The following CTNNA3 variants were observed in gnomAD, a reference collection of about 807,000 sequenced individuals.
The protein encoded by CTNNA3 is catenin alpha-3.
CTNNA3 carries 76 observed loss-of-function variants against 95.7 expected under a neutral mutation model. That is an observed-to-expected ratio of 0.79 (90% CI 0.66 to 0.96). CTNNA3 has a LOEUF of 0.96. Among genes scored for constraint, CTNNA3 ranks in the 40% least tolerant of loss-of-function variants. The probability of loss-of-function intolerance (pLI) is 0.00; values close to 1 mark genes in which losing one functional copy is unlikely to be tolerated. For missense variants in CTNNA3, 1,191 were observed against 1,089.8 expected (o/e 1.09, Z -1.31); for synonymous variants, 431 against 374.4 (o/e 1.15, Z -1.74).
chr10:66,632,179 T>G (rs4269831), intron 9 of CTNNA3, among the ~76,000 whole-genome samples: 56,732 of 151,890 alleles, frequency 0.37, 10,786 homozygotes, highest in Middle Eastern at 0.49. Context: ...TCTATTAAAT[T>G]TATAGAGCTA....
intron 11 of CTNNA3, among the ~76,000 whole-genome samples, chr10:66,401,848 G>A (rs976381081): frequency 9.2e-5 from 14 of 151,838 alleles, no homozygotes; most frequent in African/African-American, 2.9e-4. Context: ...TAGTAGAGAC[G>A]GGGTTTCGCC....
intron 7 of CTNNA3, among the ~76,000 whole-genome samples, chr10:66,962,449 C>T (rs556367550): frequency 2.1e-4 from 31 of 150,052 alleles, no homozygotes; most frequent in East Asian, 5.9e-4. Flanking sequence ...CTCACTCTGT[C>T]GCTAGGCTGG....
At chr10:66,388,001 G>T (rs183626722) in intron 11 of CTNNA3, among the ~76,000 whole-genome samples, 1 of 152,152 alleles carries the variant, frequency 6.6e-6, no homozygotes, top group East Asian at 1.9e-4. Flanking sequence ...TGTAAATTAT[G>T]AGTTGATGGG....
intron 1 of CTNNA3, chr10:67,750,859 C>T: frequency 1.9e-6 from 3 of 1,610,800 alleles, no homozygotes; most frequent in Non-Finnish European, 2.5e-6. Flanking sequence ...ATACCTCACA[C>T]AGGAGAAACT....
chr10:66,968,212 G>T (rs976090803), intron 7 of CTNNA3, among the ~76,000 whole-genome samples: 2 of 151,878 alleles, frequency 1.3e-5, no homozygotes, highest in African/African-American at 2.4e-5. Flanking sequence ...AGAGTATGTT[G>T]CTGGCTGTGG....
At chr10:67,443,887 A>T (rs560169661) in intron 5 of CTNNA3, among the ~76,000 whole-genome samples, 1 of 152,276 alleles carries the variant, frequency 6.6e-6, no homozygotes, top group South Asian at 2.1e-4. Context: ...TATGTCCTGA[A>T]TGGTAATGCC....
At chr10:67,118,454 A>C (rs1859297992) in intron 7 of CTNNA3, among the ~76,000 whole-genome samples, 1 of 151,944 alleles carries the variant, frequency 6.6e-6, no homozygotes, top group African/African-American at 2.4e-5. Context: ...GATTTCATTG[A>C]TATTAACTTT....
At chr10:67,654,909 C>T (rs369411721) in intron 1 of CTNNA3, among the ~76,000 whole-genome samples, 1 of 152,054 alleles carries the variant, frequency 6.6e-6, no homozygotes, top group African/African-American at 2.4e-5. Flanking sequence ...ATTTTGTGAA[C>T]ATTCAAAATT....
intron 11 of CTNNA3, among the ~76,000 whole-genome samples, chr10:66,486,911 C>A (rs1269238485): frequency 6.6e-6 from 1 of 151,736 alleles, no homozygotes; most frequent in East Asian, 1.9e-4. Context: ...ATACACGGAC[C>A]CGAAATACAT....
intron 7 of CTNNA3, among the ~76,000 whole-genome samples, chr10:66,934,473 A>C (rs1173894015): frequency 6.6e-6 from 1 of 152,156 alleles, no homozygotes; most frequent in Non-Finnish European, 1.5e-5. Flanking sequence ...ACTTGCATTA[A>C]ATATTAGGAC....
chr10:66,742,894 C>G (rs1849375076), intron 9 of CTNNA3, among the ~76,000 whole-genome samples: 1 of 152,182 alleles, frequency 6.6e-6, no homozygotes, highest in Non-Finnish European at 1.5e-5. Context: ...TACCTTTTAA[C>G]TATACTGCTC....
At chr10:66,073,988 G>A (rs1426856218) in intron 14 of CTNNA3, among the ~76,000 whole-genome samples, 1 of 152,000 alleles carries the variant, frequency 6.6e-6, no homozygotes, top group African/African-American at 2.4e-5. Flanking sequence ...ACACTCGGAA[G>A]CCTCCTTCTA....
At chr10:67,528,958 T>C (rs1469751763) in intron 4 of CTNNA3, among the ~76,000 whole-genome samples, 1 of 152,220 alleles carries the variant, frequency 6.6e-6, no homozygotes, top group Non-Finnish European at 1.5e-5. Context: ...TTGTACATCA[T>C]GGTGACTGCA....
At chr10:66,623,367 T>C (rs1256979568) in intron 9 of CTNNA3, among the ~76,000 whole-genome samples, 3 of 152,148 alleles carry the variant, frequency 2.0e-5, no homozygotes, top group Admixed American at 2.0e-4. Flanking sequence ...ATGTAGATAC[T>C]TTTTTATTTT....
chr10:67,709,452 C>A (rs188906805), intron 1 of CTNNA3, among the ~76,000 whole-genome samples: 35 of 152,202 alleles, frequency 2.3e-4, no homozygotes, highest in African/African-American at 8.4e-4. Context: ...GCACTGTAAA[C>A]CCTCTAAGTT....
At chr10:66,274,807 A>C (rs2091356748) in intron 13 of CTNNA3, among the ~76,000 whole-genome samples, 1 of 152,192 alleles carries the variant, frequency 6.6e-6, no homozygotes, top group South Asian at 2.1e-4. Context: ...GTGATAAATC[A>C]ATCTGTAAGT....
chr10:66,713,923 A>G (rs1032943315), intron 9 of CTNNA3, among the ~76,000 whole-genome samples: 1 of 152,122 alleles, frequency 6.6e-6, no homozygotes, highest in African/African-American at 2.4e-5. Context: ...CCTGTTAAAG[A>G]GAGTAATATT....
At chr10:66,989,209 A>G (rs186960218) in intron 7 of CTNNA3, among the ~76,000 whole-genome samples, 19 of 152,184 alleles carry the variant, frequency 1.2e-4, no homozygotes, top group African/African-American at 4.6e-4. Flanking sequence ...TCTTTCTCCA[A>G]TTGACTGTAG....
chr10:66,046,112 G>A (rs2079822756), intron 15 of CTNNA3, among the ~76,000 whole-genome samples: 1 of 152,086 alleles, frequency 6.6e-6, no homozygotes, highest in South Asian at 2.1e-4. Context: ...GACCCACAGA[G>A]AACAAAGAAG....
Sources: allele counts gnomAD v4.1 joint callset (sites outside exome capture counted in the v4.1 genomes callset), GRCh38; gene constraint gnomAD v4.1.1; transcripts MANE v1.5; gene names NCBI Gene and HGNC (gene_info 2026-07-23, HGNC 2026-07-21).